Variants in RNF24 observed in about 807,000 individuals in gnomAD.
RNF24 encodes ring finger protein 24.
RNF24 carries 14 observed loss-of-function variants against 20.0 expected under a neutral mutation model. The observed-to-expected ratio is 0.70, with a 90% CI of 0.46 to 1.10. RNF24 has a LOEUF of 1.10. RNF24 is among the 50% of genes least tolerant of loss of function. The pLI is 0.00. For synonymous variants in RNF24, 45 were observed against 61.1 expected (o/e 0.74, Z 1.23); for missense variants, 124 against 177.6 (o/e 0.70, Z 1.71).
intron 2 of RNF24, among the ~76,000 whole-genome samples, chr20:3,961,639 T>C (rs754382249): frequency 2.6e-5 from 4 of 152,120 alleles, no homozygotes; most frequent in Non-Finnish European, 5.9e-5. Context: ...TTATGAGCTA[T>C]ATATTTTAGA....
At chr20:3,989,439 C>T (rs1415872916) in intron 1 of RNF24, among the ~76,000 whole-genome samples, 1 of 149,420 alleles carries the variant, frequency 6.7e-6, no homozygotes, top group East Asian at 2.0e-4. Flanking sequence ...TGCAGTGAGC[C>T]AAGATTGCAC....
chr20:3,983,372 G>A (rs760995875), intron 1 of RNF24, among the ~76,000 whole-genome samples: 13 of 151,980 alleles, frequency 8.6e-5, no homozygotes, highest in Non-Finnish European at 1.6e-4. Flanking sequence ...TATAAATGGG[G>A]TCTTTTTTCC....
intron 1 of RNF24, among the ~76,000 whole-genome samples, chr20:4,001,969 A>C (rs1461993971): frequency 6.6e-6 from 1 of 151,626 alleles, no homozygotes; most frequent in Non-Finnish European, 1.5e-5. Flanking sequence ...AAAAAAAAAC[A>C]GGGCCGGGCG....
chr20:3,933,399 G>C lies in RNF24; in HGVS notation c.*664C>G. On this transcript the variant is annotated 3_prime_UTR_variant, in exon 6 of 6. Coordinates refer to ENST00000358395, the MANE Select transcript of RNF24 (RefSeq NM_001134337.3). Reference sequence around the variant, plus strand: ...CTGGACGGGCCTTACTGGTGCATAGGAGAGGGAAATGATAAGAGGAAATGG... The same window carrying C: ...CTGGACGGGCCTTACTGGTGCATAGCAGAGGGAAATGATAAGAGGAAATGG... 1 of 391,832 alleles carries C rather than the reference G, an allele frequency of 2.6e-6. No individual in the cohort carries two copies. Among genetic ancestry groups the C allele is most frequent in the Non-Finnish European group, 4.5e-6 (1 of 222,280 alleles). The allele number at this position is 391,832 out of a possible 1,614,324, so 24.3% of individuals were successfully genotyped here.
intron 1 of RNF24, among the ~76,000 whole-genome samples, chr20:3,985,786 C>T (rs2147036167): frequency 6.6e-6 from 1 of 151,204 alleles, no homozygotes. Context: ...CTCACCCCAA[C>T]CTCAGCCTCC....
chr20:3,934,236 G>C lies in RNF24; in HGVS notation c.309-35C>G. ...GAGACACCACAGGGGGAAGATGTCA[G>C]TCCTATGCTCATGGCACGGCTGTTC... On this transcript the variant is annotated intron_variant, in intron 5 of 5. Coordinates refer to ENST00000358395, the MANE Select transcript of RNF24 (RefSeq NM_001134337.3). The surrounding 1 kb of genome is among the most constrained non-coding windows in gnomAD (Gnocchi z 4.0). 2 of 1,590,358 alleles carry C rather than the reference G, an allele frequency of 1.3e-6. No individual in the cohort carries two copies. Among genetic ancestry groups the C allele is most frequent in the Non-Finnish European group, 1.7e-6 (2 of 1,169,480 alleles).
rs1196928661 is a variant in RNF24 at position 3,964,030 on chromosome 20, G to T, written c.-7-6C>A. 2.5e-6 allele frequency: 4 copies of T among 1,609,602 alleles called. No individual in the cohort carries two copies. In the East Asian group the frequency reaches 6.7e-5, roughly 27 times the overall value. Reference sequence around the variant, plus strand: ...AATCCGAGCTCATGGATGAACTGTGGGGGAAGAAAAGAATGGAAAAAAAAT... The same window carrying T: ...AATCCGAGCTCATGGATGAACTGTGTGGGAAGAAAAGAATGGAAAAAAAAT... On this transcript the variant is annotated splice_region_variant and splice_polypyrimidine_tract_variant and intron_variant, in intron 1 of 5. Coordinates refer to ENST00000358395, the MANE Select transcript of RNF24 (RefSeq NM_001134337.3).
At chr20:3,941,655 C>T (rs913889273) in intron 4 of RNF24, among the ~76,000 whole-genome samples, 3 of 152,052 alleles carry the variant, frequency 2.0e-5, no homozygotes, top group Non-Finnish European at 2.9e-5. Context: ...AGCAATTGCA[C>T]TGAATGTAAA....
chr20:4,001,352 T>C (rs1981373640), intron 1 of RNF24, among the ~76,000 whole-genome samples: 1 of 152,036 alleles, frequency 6.6e-6, no homozygotes, highest in South Asian at 2.1e-4. Flanking sequence ...ATATGTAAAA[T>C]GCCTGAAAAA....
chr20:3,932,122 G>A lies in RNF24; in HGVS notation c.*1941C>T, dbSNP rs2090831669. 6.6e-6 allele frequency: 1 copy of A among 152,146 alleles called. No homozygotes were observed. The highest frequency in any genetic ancestry group is 2.1e-4 in the South Asian group (1 of 4,824). The allele number at this position is 152,146 out of a possible 1,614,324, so 9.4% of individuals were successfully genotyped here. A position where few individuals can be genotyped will look rare whatever the true frequency, so the allele number is the denominator to read the frequency against. ...TAACAGAGGTGACATCTGTCCCAAG[G>A]CCATTCCATGGAAAATGGTGGCTGC... is the stretch of plus-strand genomic sequence containing the variant. On this transcript the variant is annotated 3_prime_UTR_variant, in exon 6 of 6. Transcript: ENST00000358395.
At chr20:3,984,239 AAAAAAAAAAG>A (rs1159449138) in intron 1 of RNF24, among the ~76,000 whole-genome samples, 1 of 151,546 alleles carries the variant, frequency 6.6e-6, no homozygotes, top group African/African-American at 2.4e-5. Context: ...TGTCTCTTAA[AAAAAAAAAAG>A]AAAAGAAAAG....
intron 1 of RNF24, among the ~76,000 whole-genome samples, chr20:3,996,905 T>C (rs1348835648): frequency 6.6e-6 from 1 of 152,070 alleles, no homozygotes. Flanking sequence ...TCCAGATCTG[T>C]ACCAACTTTT....
chr20:4,009,866 A>G (rs1453365610), intron 1 of RNF24, among the ~76,000 whole-genome samples: 2 of 152,298 alleles, frequency 1.3e-5, no homozygotes, highest in African/African-American at 4.8e-5. Flanking sequence ...ATTTTTAAAG[A>G]GTAAACAAAG....
chr20:3,951,920 T>C (rs2091086164), intron 2 of RNF24, among the ~76,000 whole-genome samples: 1 of 152,212 alleles, frequency 6.6e-6, no homozygotes, highest in South Asian at 2.1e-4. Context: ...TGTTCTGTGT[T>C]CCAGCCCTGG....
At chr20:3,984,105 C>CTGTA (rs1979674258) in intron 1 of RNF24, among the ~76,000 whole-genome samples, 1 of 151,846 alleles carries the variant, frequency 6.6e-6, no homozygotes, top group South Asian at 2.1e-4. Context: ...TGGGGTACAC[C>CTGTA]TGTAGTCCTA....
rs1033814223 is a variant in RNF24, at chr20:3,931,658, C to G, written c.*2405G>C. 1 of 152,208 alleles carries G rather than the reference C, an allele frequency of 6.6e-6. No individual in the cohort carries two copies. The highest frequency in any genetic ancestry group is 1.5e-5 in the Non-Finnish European group (1 of 68,042). 9.4% of individuals were successfully genotyped at this position (152,208 alleles called of 1,614,324 possible). On this transcript the variant is annotated 3_prime_UTR_variant, in exon 6 of 6. Coordinates refer to ENST00000358395, the MANE Select transcript of RNF24 (RefSeq NM_001134337.3). The stretch of plus-strand genomic sequence containing the variant: ...GAGATGACTAGGAGCAGAAAAAGTA[C>G]TCTCACTGTTCCAGCTTCCAGCCCA...
intron 4 of RNF24, among the ~76,000 whole-genome samples, chr20:3,938,091 G>T: frequency 6.6e-6 from 1 of 152,160 alleles, no homozygotes. Flanking sequence ...CGTATGGGTT[G>T]TAATTTCTCC....
intron 1 of RNF24, among the ~76,000 whole-genome samples, chr20:4,001,153 G>A (rs1568665672): frequency 6.6e-6 from 1 of 152,122 alleles, no homozygotes; most frequent in Non-Finnish European, 1.5e-5. Flanking sequence ...TGTAGTCCCA[G>A]CTACTTGGGA....
rs1200188858 is a variant in RNF24 at position 4,001,354 on chromosome 20, C to A, written c.-8+14083G>T. ...TTTAAGTCAGATCATATGTAAAATG[C>A]CTGAAAAAATATTAAAATGATATCA... On this transcript the variant is annotated intron_variant, in intron 1 of 5. Transcript: ENST00000358395. Among the ~76,000 whole-genome samples, 3 of 151,884 alleles carry A rather than the reference C, an allele frequency of 2.0e-5. No homozygotes were observed. In the East Asian group the frequency reaches 5.8e-4, roughly 29 times the overall value.
Sources: gnomAD v4.1 joint callset for allele counts (sites outside exome capture counted in the v4.1 genomes callset) on GRCh38, gnomAD v4.1.1 for gene constraint, Gnocchi (gnomAD v3.1) non-coding constraint, MANE v1.5 for transcripts, NCBI Gene and HGNC (gene_info 2026-07-23, HGNC 2026-07-21) for gene names.